UNC5C: variants seen among roughly 807,000 people sequenced by gnomAD.
UNC5C encodes netrin receptor UNC5C.
UNC5C carries 47 observed loss-of-function variants against 99.8 expected under a neutral mutation model. That is an observed-to-expected ratio of 0.47 (90% CI 0.37 to 0.60). The LOEUF (loss-of-function observed/expected upper bound fraction) is 0.60. UNC5C is among the 20% of genes least tolerant of loss of function. The pLI is 0.00. For missense variants in UNC5C, 1,062 were observed against 1,165.9 expected, an observed-to-expected ratio of 0.91 and a Z score of 1.30; for synonymous variants, 487 against 452.2, an observed-to-expected ratio of 1.08 and a Z score of -0.98.
At chr4:95,199,781 G>A (rs1737582572) in intron 12 of UNC5C, among the ~76,000 whole-genome samples, 1 of 151,612 alleles carries the variant, frequency 6.6e-6, no homozygotes, top group Non-Finnish European at 1.5e-5. Context: ...GATTTTCTTG[G>A]AACTGTTGAA....
intron 7 of UNC5C, chr4:95,222,139 G>A (rs1738492332): frequency 1.8e-6 from 2 of 1,134,768 alleles, no homozygotes; most frequent in Non-Finnish European, 2.4e-6. Context: ...TCCGAAGAAA[G>A]GTAAACTTGA....
At chr4:95,392,448 A>C (rs1421268030) in intron 1 of UNC5C, among the ~76,000 whole-genome samples, 3 of 151,008 alleles carry the variant, frequency 2.0e-5, no homozygotes, top group Non-Finnish European at 4.4e-5. Context: ...TTTTTTTAAA[A>C]AAAAAACAGG....
chr4:95,339,853 C>T (rs532305679), intron 1 of UNC5C, among the ~76,000 whole-genome samples: 1 of 151,570 alleles, frequency 6.6e-6, no homozygotes, highest in Non-Finnish European at 1.5e-5. Context: ...TGCTTTTGTT[C>T]TGTACATTGA....
At chr4:95,521,847 C>T (rs1722366766) in intron 1 of UNC5C, among the ~76,000 whole-genome samples, 1 of 152,052 alleles carries the variant, frequency 6.6e-6, no homozygotes, top group African/African-American at 2.4e-5. Flanking sequence ...CTAAATGGTG[C>T]AATTATGAAA....
intron 1 of UNC5C, among the ~76,000 whole-genome samples, chr4:95,386,383 A>C (rs1175818085): frequency 6.6e-6 from 1 of 151,816 alleles, no homozygotes; most frequent in African/African-American, 2.4e-5. Flanking sequence ...CCTACCCCAC[A>C]ACAACTTTTG....
At chr4:95,483,262 T>G (rs77757961) in intron 1 of UNC5C, among the ~76,000 whole-genome samples, 2,707 of 151,814 alleles carry the variant, frequency 0.018, 75 homozygotes, top group African/African-American at 0.062. Context: ...ACAGTTCACC[T>G]CCTGTCAAGT....
chr4:95,504,086 A>G (rs1721847586), intron 1 of UNC5C, among the ~76,000 whole-genome samples: 1 of 152,146 alleles, frequency 6.6e-6, no homozygotes, highest in Non-Finnish European at 1.5e-5. Context: ...TTTTATCTTA[A>G]CTCCACATAT....
intron 1 of UNC5C, among the ~76,000 whole-genome samples, chr4:95,448,801 TAA>T (rs1747197087): frequency 6.6e-6 from 1 of 152,244 alleles, no homozygotes; most frequent in Non-Finnish European, 1.5e-5. Context: ...TCTTTCGAGA[TAA>T]ACATTTTATA....
chr4:95,373,781 G>T (rs1184865919), intron 1 of UNC5C, among the ~76,000 whole-genome samples: 4 of 152,156 alleles, frequency 2.6e-5, no homozygotes, highest in African/African-American at 9.7e-5. Flanking sequence ...TGGGAAGGGG[G>T]TGGCGAGCTT....
At chr4:95,347,823 G>A (rs1490032775) in intron 1 of UNC5C, among the ~76,000 whole-genome samples, 7 of 151,838 alleles carry the variant, frequency 4.6e-5, no homozygotes, top group Non-Finnish European at 4.4e-5. Flanking sequence ...TAAAGATTGG[G>A]GAAACTCTGC....
chr4:95,408,748 G>A (rs1438222525), intron 1 of UNC5C, among the ~76,000 whole-genome samples: 1 of 152,142 alleles, frequency 6.6e-6, no homozygotes, highest in East Asian at 1.9e-4. Context: ...CAAGAGAGCA[G>A]AAAATATATA....
At chr4:95,427,876 A>G (rs1270092188) in intron 1 of UNC5C, among the ~76,000 whole-genome samples, 1 of 152,044 alleles carries the variant, frequency 6.6e-6, no homozygotes, top group African/African-American at 2.4e-5. Flanking sequence ...TGTCTCTTTA[A>G]TCCATCTGTT....
chr4:95,197,566 G>A (rs1325559382), intron 12 of UNC5C, among the ~76,000 whole-genome samples: 1 of 152,092 alleles, frequency 6.6e-6, no homozygotes, highest in East Asian at 1.9e-4. Context: ...GCAGCTGGGG[G>A]AGCTTTCATT....
chr4:95,375,272 A>C (rs1744860151), intron 1 of UNC5C, among the ~76,000 whole-genome samples: 1 of 152,176 alleles, frequency 6.6e-6, no homozygotes, highest in African/African-American at 2.4e-5. Flanking sequence ...ATAATTGAAG[A>C]AAGCATTTTA....
chr4:95,430,596 A>G (rs375620688), intron 1 of UNC5C, among the ~76,000 whole-genome samples: 3 of 152,170 alleles, frequency 2.0e-5, no homozygotes, highest in African/African-American at 4.8e-5. Context: ...TTCTCTTCCT[A>G]ATATTTATGG....
At chr4:95,304,693 T>C (rs1198942826) in intron 2 of UNC5C, among the ~76,000 whole-genome samples, 1 of 152,212 alleles carries the variant, frequency 6.6e-6, no homozygotes, top group Non-Finnish European at 1.5e-5. Context: ...AAGATTACTG[T>C]AGTAACTTAC....
At chr4:95,210,117 C>T (rs967763463) in intron 10 of UNC5C, among the ~76,000 whole-genome samples, 3 of 152,098 alleles carry the variant, frequency 2.0e-5, no homozygotes, top group Non-Finnish European at 2.9e-5. Context: ...GCTGTCAGAC[C>T]TGTACTCTCC....
chr4:95,324,448 A>G (rs1041131717), intron 2 of UNC5C, among the ~76,000 whole-genome samples: 1 of 152,184 alleles, frequency 6.6e-6, no homozygotes, highest in African/African-American at 2.4e-5. Context: ...TGTAATAATA[A>G]TAGAAATAAA....
intron 14 of UNC5C, 74 bp downstream of exon 14, chr4:95,182,823 C>T: frequency 6.7e-7 from 1 of 1,489,044 alleles, no homozygotes. Context: ...GTTGAGATAC[C>T]CTTTTAGCCC....
Sources: gnomAD v4.1 joint callset for allele counts (sites outside exome capture counted in the v4.1 genomes callset) on GRCh38, gnomAD v4.1.1 for gene constraint, MANE v1.5 for transcripts, NCBI Gene and HGNC (gene_info 2026-07-23, HGNC 2026-07-21) for gene names.